Variants in HS2ST1 observed in about 807,000 individuals in gnomAD.
The protein encoded by HS2ST1 is 2-O-sulfotransferase.
Under a neutral mutation model 42.9 loss-of-function variants are expected in HS2ST1, and 18 were observed. The observed-to-expected ratio is 0.42, with a 90% CI of 0.29 to 0.62. HS2ST1 has a LOEUF of 0.62. HS2ST1 is among the 20% of genes least tolerant of loss of function. The probability of loss-of-function intolerance (pLI) is 0.21; values close to 1 mark genes in which losing one functional copy is unlikely to be tolerated. For missense variants in HS2ST1, 334 were observed against 433.8 expected (o/e 0.77, Z 2.04); for synonymous variants, 146 against 152.9 (o/e 0.95, Z 0.33).
At chr1:87,098,475 T>G (rs897135567) in intron 5 of HS2ST1, 67 of 485,654 alleles carry the variant, frequency 1.4e-4, no homozygotes, top group Non-Finnish European at 1.7e-4. Flanking sequence ...TTAAAAATAA[T>G]TTTACGTATT....
chr1:86,987,705 A>G (rs549680659), intron 1 of HS2ST1, among the ~76,000 whole-genome samples: 12 of 152,308 alleles, frequency 7.9e-5, no homozygotes, highest in Admixed American at 2.0e-4. Context: ...ATCTCCTGTT[A>G]GTCTGTCTCT....
chr1:87,009,621 T>C (rs1649538371), intron 1 of HS2ST1, among the ~76,000 whole-genome samples: 1 of 152,212 alleles, frequency 6.6e-6, no homozygotes, highest in Non-Finnish European at 1.5e-5. Flanking sequence ...TTTAGTGGCT[T>C]ATTTGTTCTC....
intron 1 of HS2ST1, among the ~76,000 whole-genome samples, chr1:87,012,975 T>C (rs1321766620): frequency 6.6e-6 from 1 of 152,250 alleles, no homozygotes; most frequent in African/African-American, 2.4e-5. Flanking sequence ...CCCATGGTCT[T>C]GGACAGCTCT....
chr1:86,983,594 T>G (rs2102222698), intron 1 of HS2ST1, among the ~76,000 whole-genome samples: 1 of 152,268 alleles, frequency 6.6e-6, no homozygotes, highest in East Asian at 1.9e-4. Flanking sequence ...ATTAAAATAG[T>G]ACTGAATTTT....
chr1:87,044,103 A>G (rs1300856066), intron 1 of HS2ST1, among the ~76,000 whole-genome samples: 1 of 152,156 alleles, frequency 6.6e-6, no homozygotes, highest in Non-Finnish European at 1.5e-5. Flanking sequence ...ATTTAGTCAC[A>G]TAATTTTGAA....
intron 1 of HS2ST1, among the ~76,000 whole-genome samples, chr1:87,070,654 A>G (rs1435047274): frequency 2.0e-5 from 3 of 152,192 alleles, no homozygotes; most frequent in African/African-American, 7.2e-5. Flanking sequence ...ATCTAAGACA[A>G]CTTCCAAATC....
intron 1 of HS2ST1, among the ~76,000 whole-genome samples, chr1:86,941,723 C>T (rs954618134): frequency 5.9e-5 from 9 of 151,864 alleles, no homozygotes; most frequent in African/African-American, 1.2e-4. Flanking sequence ...TGCAGTGAGC[C>T]GAGATTGCAC....
At chr1:86,979,666 C>T (rs561676052) in intron 1 of HS2ST1, among the ~76,000 whole-genome samples, 4 of 152,318 alleles carry the variant, frequency 2.6e-5, no homozygotes, top group African/African-American at 9.6e-5. Context: ...TGCCATGAAC[C>T]TGGGTGTACA....
intron 2 of HS2ST1, among the ~76,000 whole-genome samples, chr1:87,077,778 A>G (rs989668066): frequency 6.6e-6 from 1 of 152,196 alleles, no homozygotes; most frequent in Non-Finnish European, 1.5e-5. Context: ...ACCAACATAG[A>G]TTTTGATAGC....
intron 2 of HS2ST1, 92 bp downstream of exon 2, chr1:87,073,264 T>G: frequency 1.1e-6 from 1 of 896,542 alleles, no homozygotes. Flanking sequence ...TAAAGGGATG[T>G]GAGTGCTGAT....
chr1:87,015,496 C>T (rs1319541402), intron 1 of HS2ST1, among the ~76,000 whole-genome samples: 1 of 151,964 alleles, frequency 6.6e-6, no homozygotes, highest in East Asian at 1.9e-4. Flanking sequence ...ACAGGTGCCC[C>T]ACCACGCCCA....
intron 2 of HS2ST1, among the ~76,000 whole-genome samples, chr1:87,074,072 A>G (rs1156894748): frequency 6.6e-6 from 1 of 152,224 alleles, no homozygotes; most frequent in Non-Finnish European, 1.5e-5. Context: ...AGAGAATTAC[A>G]TTGAGACACA....
At chr1:87,077,837 A>G (rs1401514243) in intron 2 of HS2ST1, among the ~76,000 whole-genome samples, 1 of 152,152 alleles carries the variant, frequency 6.6e-6, no homozygotes, top group African/African-American at 2.4e-5. Context: ...GATTGACAGC[A>G]GTATGATCTA....
At chr1:86,972,162 C>G (rs1648253207) in intron 1 of HS2ST1, among the ~76,000 whole-genome samples, 1 of 152,030 alleles carries the variant, frequency 6.6e-6, no homozygotes. Flanking sequence ...TTAAGGACCC[C>G]TTTTAAAAAA....
At position 87,107,572 on chromosome 1, in the gene HS2ST1, T is replaced by G. The variant is rs185868543; in HGVS notation, c.*2876T>G. 37 of 151,956 alleles carry G rather than the reference T, an allele frequency of 2.4e-4. No individual in the cohort carries two copies. The East Asian group carries it at 6.9e-3, about 28-fold the overall frequency. 9.4% of individuals were successfully genotyped at this position (151,956 alleles called of 1,614,324 possible). The stretch of plus-strand genomic sequence containing the variant: ...GTATTTTGACCATAGGGAGATAATT[T>G]TTTTATAATACAAAAGTAACCACTT... On this transcript the variant is annotated 3_prime_UTR_variant, in exon 7 of 7. Transcript: ENST00000370550.
intron 1 of HS2ST1, among the ~76,000 whole-genome samples, chr1:87,003,181 T>G (rs1001529705): frequency 6.6e-6 from 1 of 152,364 alleles, no homozygotes; most frequent in African/African-American, 2.4e-5. Context: ...GAAGAAACCC[T>G]TGACTGGCTG....
intron 1 of HS2ST1, among the ~76,000 whole-genome samples, chr1:86,916,549 TAG>T (rs571250945): frequency 2.0e-5 from 3 of 152,338 alleles, no homozygotes; most frequent in East Asian, 1.9e-4. Context: ...GGAGGAAAAC[TAG>T]AGTTACTTCC....
In HS2ST1 at chr1:86,957,514, T is replaced by C. The variant is rs529938632; in HGVS notation, c.124+42354T>C. On this transcript the variant is annotated intron_variant, in intron 1 of 6. Coordinates refer to ENST00000370550, the MANE Select transcript of HS2ST1 (RefSeq NM_012262.4). Reference sequence around the variant, plus strand: ...TAAGGTCTCTGCTCTTTTATTTTACTTCTCTTTTTACTTCCTAATCCCCAG... The same window carrying C: ...TAAGGTCTCTGCTCTTTTATTTTACCTCTCTTTTTACTTCCTAATCCCCAG... Among the ~76,000 whole-genome samples the C allele has an allele frequency of 2.6e-5, 4 of 152,344 alleles. No homozygotes were observed. In the South Asian group the frequency reaches 8.3e-4, roughly 32 times the overall value.
At chr1:86,963,121 CAG>C (rs1392675444) in intron 1 of HS2ST1, among the ~76,000 whole-genome samples, 1 of 151,074 alleles carries the variant, frequency 6.6e-6, no homozygotes, top group African/African-American at 2.4e-5. Context: ...ATTTTTCTGT[CAG>C]AAGGTACAGA....
Sources: gnomAD v4.1 joint callset for allele counts (sites outside exome capture counted in the v4.1 genomes callset) on GRCh38, gnomAD v4.1.1 for gene constraint, MANE v1.5 for transcripts, NCBI Gene and HGNC (gene_info 2026-07-23, HGNC 2026-07-21) for gene names.